The following BACH1 variants were observed in gnomAD, a reference collection of about 807,000 sequenced individuals.
The protein encoded by BACH1 is BTB domain and CNC homolog 1, also known as transcription regulator protein BACH1.
Under a neutral mutation model 52.9 loss-of-function variants are expected in BACH1, and 35 were observed. The observed-to-expected ratio is 0.66, with a 90% CI of 0.51 to 0.88. The LOEUF is 0.88. Ranked by LOEUF, BACH1 falls within the 40% of genes least tolerant of loss-of-function variation. BACH1 has a pLI of 0.00. For synonymous variants in BACH1, 321 were observed against 319.6 expected (o/e 1.00, Z -0.05); for missense variants, 808 against 872.6 (o/e 0.93, Z 0.93).
intron 2 of BACH1, chr21:29,352,630 C>T (rs2089209619): frequency 6.6e-6 from 1 of 152,134 alleles, no homozygotes; most frequent in South Asian, 2.1e-4. Flanking sequence ...AAGTGATTCT[C>T]CTGCCTCAGC....
rs79498915 is a variant in BACH1 at position 29,315,788 on chromosome 21, T to A, written c.-60-5433T>A. Among the ~76,000 whole-genome samples the A allele has an allele frequency of 2.0e-4, 31 of 152,374 alleles. 1 individual carries two copies. The East Asian group carries it at 6.0e-3, about 29-fold the overall frequency. ...ATGTCCACATTCCTGTGTAAATTGA[T>A]TATAATGATCATTATTATCTTTTTT... On this transcript the variant is annotated intron_variant, in intron 1 of 4. Coordinates refer to ENST00000286800, the MANE Select transcript of BACH1 (RefSeq NM_001186.4).
At chr21:29,305,202 A>G (rs1362344942) in intron 1 of BACH1, 1 of 148,572 alleles carries the variant, frequency 6.7e-6, no homozygotes, top group Non-Finnish European at 1.5e-5. Context: ...CTTTCACATT[A>G]GCAAAAGACT....
At chr21:29,302,917 C>T (rs556626931) in intron 1 of BACH1, among the ~76,000 whole-genome samples, 75 of 152,308 alleles carry the variant, frequency 4.9e-4, no homozygotes, top group African/African-American at 1.7e-3. Flanking sequence ...ACAGTCTCAG[C>T]GGAGTGCTTG....
Position 29,301,564 on chromosome 21 carries a change from T to G in BACH1, c.-61+2611T>G, listed in dbSNP as rs191128371. 7.4e-3 allele frequency among the ~76,000 whole-genome samples: 1,122 copies of G among 152,336 alleles called. 55 individuals carry two copies. Among genetic ancestry groups the G allele is most frequent in the Admixed American group, 0.067 (1,030 of 15,296 alleles). On this transcript the variant is annotated intron_variant, in intron 1 of 4. Coordinates refer to ENST00000286800, the MANE Select transcript of BACH1 (RefSeq NM_001186.4). ...AAATTTCTTGTTACATTGTTGATAC[T>G]GGGGATGGAAATACAAAAAATACAG...
intron 1 of BACH1, among the ~76,000 whole-genome samples, chr21:29,313,016 C>T (rs1350843428): frequency 6.6e-6 from 1 of 152,118 alleles, no homozygotes; most frequent in Admixed American, 6.6e-5. Flanking sequence ...CAAAGTAAAA[C>T]CACAGTGAGA....
At chr21:29,337,359 A>G (rs1477668240) in intron 4 of BACH1, among the ~76,000 whole-genome samples, 1 of 152,230 alleles carries the variant, frequency 6.6e-6, no homozygotes, top group African/African-American at 2.4e-5. Flanking sequence ...AAAGTTCATT[A>G]TATCATGAAT....
intron 1 of BACH1, among the ~76,000 whole-genome samples, chr21:29,317,348 G>A (rs1376309230): frequency 6.6e-6 from 1 of 152,174 alleles, no homozygotes; most frequent in Non-Finnish European, 1.5e-5. Flanking sequence ...GTTGGACCAG[G>A]TCCAACAGGT....
rs1490549626 is a variant in BACH1 at position 29,343,395 on chromosome 21, C to T, written c.*562C>T. ...TGAATCTTAGGGCTTTGTTCTTCGG[C>T]TCCTAAAATCAGGCTTTAAGCTACA... On this transcript the variant is annotated 3_prime_UTR_variant, in exon 5 of 5. Coordinates refer to ENST00000286800, the MANE Select transcript of BACH1 (RefSeq NM_001186.4). The T allele has an allele frequency of 1.3e-5, 2 of 152,314 alleles. No homozygotes were observed. Among genetic ancestry groups the T allele is most frequent in the Non-Finnish European group, 2.9e-5 (2 of 68,130 alleles). 9.4% of individuals were successfully genotyped at this position (152,314 alleles called of 1,614,324 possible).
At chr21:29,341,203 G>A (rs2089108972) in intron 4 of BACH1, among the ~76,000 whole-genome samples, 1 of 151,944 alleles carries the variant, frequency 6.6e-6, no homozygotes, top group South Asian at 2.1e-4. Flanking sequence ...TACCCTTTTA[G>A]TGACTTTTAT....
chr21:29,327,633 C>G (rs368688333), intron 3 of BACH1, among the ~76,000 whole-genome samples: 1 of 152,144 alleles, frequency 6.6e-6, no homozygotes. Flanking sequence ...AGTTTGAGAT[C>G]AGCCTGGCCA....
At chr21:29,300,652 A>G (rs2088593381) in intron 1 of BACH1, 1 of 152,112 alleles carries the variant, frequency 6.6e-6, no homozygotes, top group Non-Finnish European at 1.5e-5. Flanking sequence ...AATATTTACT[A>G]CTCTTACTGG....
chr21:29,321,645 C>CCT, intron 2 of BACH1, 131 bp downstream of exon 2: 5 of 505,016 alleles, frequency 9.9e-6, no homozygotes, highest in South Asian at 9.0e-5. Flanking sequence ...TGTGCAACCC[C>CCT]TTTTTTTTTT....
chr21:29,341,545 A>G (rs934916682), intron 4 of BACH1, among the ~76,000 whole-genome samples: 5 of 152,240 alleles, frequency 3.3e-5, no homozygotes, highest in Admixed American at 3.3e-4. Context: ...ATGGACAGGA[A>G]GGCAGGAACC....
intron 4 of BACH1, among the ~76,000 whole-genome samples, chr21:29,339,401 G>T (rs1370789626): frequency 6.6e-6 from 1 of 152,048 alleles, no homozygotes; most frequent in African/African-American, 2.4e-5. Context: ...AGTGCCATTT[G>T]CAGATTTCTC....
chr21:29,299,347 T>C (rs1279240894), intron 1 of BACH1: 2 of 150,214 alleles, frequency 1.3e-5, no homozygotes, highest in African/African-American at 2.5e-5. Context: ...CTGTGACACA[T>C]CAGCACCGCC....
chr21:29,348,174 C>G (rs114368706), downstream of BACH1, among the ~76,000 whole-genome samples: 790 of 152,180 alleles, frequency 5.2e-3, 4 homozygotes, highest in African/African-American at 0.018. Flanking sequence ...GTTTTTGATG[C>G]CTAGGTCCAG....
chr21:29,347,549 T>A (rs2089176743), downstream of BACH1, among the ~76,000 whole-genome samples: 1 of 152,178 alleles, frequency 6.6e-6, no homozygotes, highest in Non-Finnish European at 1.5e-5. Flanking sequence ...CCAGTTTAAG[T>A]TCTCTTGAAA....
At chr21:29,312,368 C>T (rs542688598) in intron 1 of BACH1, among the ~76,000 whole-genome samples, 1 of 152,236 alleles carries the variant, frequency 6.6e-6, no homozygotes, top group Non-Finnish European at 1.5e-5. Context: ...TTAACACTTT[C>T]CTTATATGGG....
intron 1 of BACH1, among the ~76,000 whole-genome samples, chr21:29,299,250 C>T (rs1311368211): frequency 1.3e-5 from 2 of 150,770 alleles, no homozygotes; most frequent in Non-Finnish European, 1.5e-5. Context: ...CCGGGGCGGG[C>T]GGGGGCTGGG....
Sources: gnomAD v4.1 joint callset for allele counts (sites outside exome capture counted in the v4.1 genomes callset) on GRCh38, gnomAD v4.1.1 for gene constraint, MANE v1.5 for transcripts, NCBI Gene and HGNC (gene_info 2026-07-23, HGNC 2026-07-21) for gene names.